Variants in ARL15 observed in about 807,000 individuals in gnomAD.
ARL15 encodes the protein ARF like GTPase 15, also known as ADP-ribosylation factor-like protein 15.
ARL15 carries 19 observed loss-of-function variants against 25.2 expected under a neutral mutation model. The ratio of observed to expected loss-of-function variants is 0.75; its 90% confidence interval spans 0.53 to 1.10. The LOEUF is 1.10. Ranked by LOEUF, ARL15 falls within the 50% of genes least tolerant of loss-of-function variation. The probability of loss-of-function intolerance (pLI) is 0.00; values close to 1 mark genes in which losing one functional copy is unlikely to be tolerated. For missense variants in ARL15, 220 were observed against 246.0 expected (o/e 0.89, Z 0.71); for synonymous variants, 94 against 86.8 (o/e 1.08, Z -0.46).
chr5:54,166,731 C>T (rs945811676), intron 2 of ARL15, among the ~76,000 whole-genome samples: 90 of 152,148 alleles, frequency 5.9e-4, no homozygotes, highest in African/African-American at 2.0e-3. Flanking sequence ...TGAACAGATA[C>T]AATACAGTGA....
intron 4 of ARL15, among the ~76,000 whole-genome samples, chr5:54,029,124 C>T (rs539138689): frequency 2.6e-5 from 4 of 152,028 alleles, no homozygotes; most frequent in East Asian, 3.9e-4. Flanking sequence ...TCTCTGGGTT[C>T]GAATCTCAGC....
At chr5:54,196,674 T>C (rs1755558998) in intron 1 of ARL15, among the ~76,000 whole-genome samples, 1 of 152,290 alleles carries the variant, frequency 6.6e-6, no homozygotes, top group East Asian at 1.9e-4. Context: ...CTTTTGGTTG[T>C]TATTTGAGAT....
intron 4 of ARL15, among the ~76,000 whole-genome samples, chr5:53,951,241 G>A (rs1201878984): frequency 6.6e-6 from 1 of 152,174 alleles, no homozygotes; most frequent in Admixed American, 6.5e-5. Context: ...TTTACAATCT[G>A]ACCCTTTAGA....
chr5:53,971,123 G>A (rs1747737339), intron 4 of ARL15, among the ~76,000 whole-genome samples: 1 of 152,124 alleles, frequency 6.6e-6, no homozygotes, highest in African/African-American at 2.4e-5. Flanking sequence ...AGTAATAAAT[G>A]ATAAGAGTTA....
chr5:54,006,411 T>C (rs746746540), intron 4 of ARL15, among the ~76,000 whole-genome samples: 117 of 149,800 alleles, frequency 7.8e-4, no homozygotes, highest in Non-Finnish European at 1.3e-3. Context: ...TGTAAATACA[T>C]ATGCACAACA....
chr5:54,204,302 C>T (rs1755803104), intron 1 of ARL15, among the ~76,000 whole-genome samples: 1 of 152,184 alleles, frequency 6.6e-6, no homozygotes, highest in Admixed American at 6.5e-5. Flanking sequence ...CTACGCCAGA[C>T]TCCATTCTAT....
chr5:54,021,536 G>A (rs529098698), intron 4 of ARL15, among the ~76,000 whole-genome samples: 23 of 152,204 alleles, frequency 1.5e-4, no homozygotes, highest in South Asian at 1.0e-3. Context: ...AAGAATCAGC[G>A]TACCTGAATT....
At chr5:53,947,944 G>A (rs562785852) in intron 4 of ARL15, among the ~76,000 whole-genome samples, 2 of 152,106 alleles carry the variant, frequency 1.3e-5, no homozygotes, top group African/African-American at 2.4e-5. Context: ...AAAAATCTCC[G>A]TGAGTGCATT....
At chr5:54,222,918 C>G (rs1267895933) in intron 1 of ARL15, among the ~76,000 whole-genome samples, 1 of 151,508 alleles carries the variant, frequency 6.6e-6, no homozygotes, top group Non-Finnish European at 1.5e-5. Context: ...CTCCCGGGTT[C>G]TAGTGATTCT....
In ARL15 at chr5:53,886,091, GATAAA is replaced by G. The variant is rs1453378974; in HGVS notation, c.*465_*469del. 1.3e-5 allele frequency: 2 copies of G among 149,812 alleles called. No individual in the cohort carries two copies. The highest frequency in any genetic ancestry group is 4.2e-4 in the South Asian group (2 of 4,740). 9.3% of individuals were successfully genotyped at this position (149,812 alleles called of 1,614,324 possible). A position where few individuals can be genotyped will look rare whatever the true frequency, so the allele number is the denominator to read the frequency against. ...GTATACCAAAAAAAAAAAAAAATTA[GATAAA>G]ATAAAACAAAACCCCCAATAGGTCT... On this transcript the variant is annotated 3_prime_UTR_variant, in exon 5 of 5. Transcript: ENST00000504924.
chr5:54,197,818 C>A (rs962878516), intron 1 of ARL15, among the ~76,000 whole-genome samples: 1 of 152,038 alleles, frequency 6.6e-6, no homozygotes, highest in African/African-American at 2.4e-5. Context: ...CATCCTGATA[C>A]CAAAGCTGGG....
intron 1 of ARL15, among the ~76,000 whole-genome samples, chr5:54,173,558 A>T (rs1262627929): frequency 6.6e-6 from 1 of 152,162 alleles, no homozygotes; most frequent in Non-Finnish European, 1.5e-5. Context: ...ACATCTAATC[A>T]ACAAATCTAG....
At chr5:53,962,433 T>A (rs1470933565) in intron 4 of ARL15, among the ~76,000 whole-genome samples, 1 of 152,142 alleles carries the variant, frequency 6.6e-6, no homozygotes, top group Non-Finnish European at 1.5e-5. Context: ...TATAGAATCT[T>A]CCATAATAAT....
chr5:54,008,131 A>T (rs1456577668), intron 4 of ARL15, among the ~76,000 whole-genome samples: 1 of 152,206 alleles, frequency 6.6e-6, no homozygotes, highest in African/African-American at 2.4e-5. Flanking sequence ...TTTTTAATGT[A>T]GAGAAACTTG....
chr5:54,149,836 T>C (rs1029920937), intron 3 of ARL15, among the ~76,000 whole-genome samples: 1 of 152,074 alleles, frequency 6.6e-6, no homozygotes, highest in African/African-American at 2.4e-5. Flanking sequence ...AGTAACTAAT[T>C]AAAACTAAAA....
At chr5:54,233,818 T>C (rs1756733897) in intron 1 of ARL15, among the ~76,000 whole-genome samples, 1 of 152,176 alleles carries the variant, frequency 6.6e-6, no homozygotes, top group South Asian at 2.1e-4. Context: ...TCACATACTT[T>C]AACCAAAACA....
chr5:54,137,042 G>T (rs2112296549), intron 3 of ARL15, among the ~76,000 whole-genome samples: 1 of 151,544 alleles, frequency 6.6e-6, no homozygotes, highest in South Asian at 2.1e-4. Flanking sequence ...AACTGCAGTA[G>T]ATAACCTTTT....
rs930161580 is a variant in ARL15 at position 53,916,144 on chromosome 5, C to A, written c.463-29431G>T. Reference sequence around the variant, plus strand: ...GGCTCAAGCGATCCTTCTCTCTCAGCCTTCCAAAGTGCTGAGATTACAGGC... The same window carrying A: ...GGCTCAAGCGATCCTTCTCTCTCAGACTTCCAAAGTGCTGAGATTACAGGC... On this transcript the variant is annotated intron_variant, in intron 4 of 4. Transcript: ENST00000504924. 7.2e-5 allele frequency among the ~76,000 whole-genome samples: 11 copies of A among 152,050 alleles called. No individual in the cohort carries two copies. In the South Asian group the frequency reaches 2.3e-3, roughly 32 times the overall value.
intron 4 of ARL15, among the ~76,000 whole-genome samples, chr5:54,007,804 C>A (rs191025132): frequency 7.0e-4 from 106 of 152,302 alleles, no homozygotes; most frequent in African/African-American, 2.3e-3. Context: ...GATACATAAG[C>A]CTGAGTCCTC....
Sources: gnomAD v4.1 joint callset for allele counts (sites outside exome capture counted in the v4.1 genomes callset) on GRCh38, gnomAD v4.1.1 for gene constraint, MANE v1.5 for transcripts, NCBI Gene and HGNC (gene_info 2026-07-23, HGNC 2026-07-21) for gene names.